The following ONECUT3 variants were observed in gnomAD, a reference collection of about 807,000 sequenced individuals.
ONECUT3 encodes one cut homeobox 3.
In ONECUT3, 11 loss-of-function variants were observed where a neutral mutation model predicts 16.8. That is an observed-to-expected ratio of 0.66 (90% CI 0.41 to 1.09). The LOEUF is 1.09. ONECUT3 is among the 50% of genes least tolerant of loss of function. ONECUT3 has a pLI of 0.00. For missense variants in ONECUT3, 637 were observed against 629.9 expected (o/e 1.01, Z -0.12); for synonymous variants, 344 against 310.7 (o/e 1.11, Z -1.13).
Position 1,759,783 on chromosome 19 carries a change from G to A in ONECUT3, c.1192+4929G>A, listed in dbSNP as rs2067936423. ...ATGACGCCTAGGAGAGGGGGTATGA[G>A]GGGCTGGAGGGGCTCAGGGGTCTGA... On this transcript the variant is annotated intron_variant, in intron 1 of 1. Transcript: ENST00000382349. This position sits in a 1 kb window ranked among gnomAD's most constrained non-coding sequence, Gnocchi z 4.1. 1.3e-5 allele frequency among the ~76,000 whole-genome samples: 2 copies of A among 152,298 alleles called. No homozygotes were observed. The highest frequency in any genetic ancestry group is 4.2e-4 in the South Asian group (2 of 4,816).
rs1246204958 is a variant in ONECUT3 at position 1,753,635 on chromosome 19, AGC to A, written c.-20_-19del. 1.3e-5 allele frequency: 12 copies of A among 956,026 alleles called. No homozygotes were observed. The East Asian group carries it at 3.6e-4, about 28-fold the overall frequency. The allele number at this position is 956,026 out of a possible 1,614,324, so 59.2% of individuals were successfully genotyped here. ...TGAGCACTAGGGGCCGGCGCTGAGG[AGC>A]GCGCGCGGCGGGAGGGCAGCCGAGC... On this transcript the variant is annotated 5_prime_UTR_variant, in exon 1 of 2. Transcript: ENST00000382349.
In ONECUT3 at chr19:1,775,383, G is replaced by C. The variant is rs778536345; in HGVS notation, c.1423G>C (p.Glu475Gln). ...GCGCCGCTGCATGAACCGCTGGGCT[G>C]AGGAGCCCAGCACGGCCCCCGGGGG... ...ARRRCMNRWA[E>Q]EPSTAPGGPA... The change falls in exon 2 of 2, where the codon GAG becomes CAG. Residue 475 changes from glutamate (E) to glutamine (Q), a missense_variant. By Grantham distance (29) the Glu-to-Gln change is conservative. Coordinates refer to ENST00000382349, the MANE Select transcript of ONECUT3 (RefSeq NM_001080488.2). 7.8e-6 allele frequency: 12 copies of C among 1,537,944 alleles called. No homozygotes were observed. Among genetic ancestry groups the C allele is most frequent in the South Asian group, 6.1e-5 (5 of 82,286 alleles).
chr19:1,754,084 C>G lies in ONECUT3; in HGVS notation c.422C>G (p.Pro141Arg). ...GTGGCCGGGGCGCACGGCGGCCATC[C>G]CCACGCGCACCCGCACCCGGCGGCC... ...AAVAGAHGGH[P>R]HAHPHPAAAP... The change falls in exon 1 of 2, where the codon CCC becomes CGC. Residue 141 changes from proline to arginine, a missense_variant. Physicochemically the swap from Pro to Arg is moderately radical, Grantham distance 103 (BLOSUM62 -2). Transcript: ENST00000382349. The surrounding 1 kb of genome is among the most constrained non-coding windows in gnomAD (Gnocchi z 7.4). 1 of 1,004,486 alleles carries G rather than the reference C, an allele frequency of 1.0e-6. No individual in the cohort carries two copies. 62.2% of individuals were successfully genotyped at this position (1,004,486 alleles called of 1,614,324 possible). A position where few individuals can be genotyped will look rare whatever the true frequency, so the allele number is the denominator to read the frequency against.
Position 1,769,902 on chromosome 19 carries a change from G to T in ONECUT3, c.1193-5251G>T, listed in dbSNP as rs139153025. Among the ~76,000 whole-genome samples the T allele has an allele frequency of 3.7e-4, 57 of 152,154 alleles. 3 individuals carry two copies. The East Asian group carries it at 0.011, about 29-fold the overall frequency. On this transcript the variant is annotated intron_variant, in intron 1 of 1. Transcript: ENST00000382349. ...GCCCCTCCCCCAGCCTCTGCCTCTG[G>T]GGTCCCCATTAGGCACCAGATTGGA...
rs948375147 is a variant in ONECUT3, at chr19:1,778,244, A to C, written c.*2799A>C. ...CCTCCCAGTAGCTGGGGCCACAAGC[A>C]CACCCCACCATGCCCATTTAATTTT... On this transcript the variant is annotated 3_prime_UTR_variant, in exon 2 of 2. Coordinates refer to ENST00000382349, the MANE Select transcript of ONECUT3 (RefSeq NM_001080488.2). The C allele has an allele frequency of 1.1e-4, 16 of 151,928 alleles. No homozygotes were observed. Among genetic ancestry groups the C allele is most frequent in the African/African-American group, 3.4e-4 (14 of 41,346 alleles). The allele number at this position is 151,928 out of a possible 1,614,324, so 9.4% of individuals were successfully genotyped here.
chr19:1,758,315 AAGAGAGAGAG>A lies in ONECUT3; in HGVS notation c.1192+3473_1192+3482del, dbSNP rs1301162596. On this transcript the variant is annotated intron_variant, in intron 1 of 1. Transcript: ENST00000382349. The surrounding 1 kb of genome is among the most constrained non-coding windows in gnomAD (Gnocchi z 5.9). ...GCAGAGAGACCAAAAAAAAAAAAAA[AAGAGAGAGAG>A]AGAGAGAGAGACAGAGATGGGAGAG... Among the ~76,000 whole-genome samples, 7 of 77,056 alleles carry A rather than the reference AAGAGAGAGAG, an allele frequency of 9.1e-5. No homozygotes were observed. The highest frequency in any genetic ancestry group is 2.8e-4 in the African/African-American group (7 of 24,838). 50.6% of individuals were successfully genotyped at this position (77,056 alleles called of 152,430 possible).
chr19:1,770,488 G>A (rs569640345), intron 1 of ONECUT3, among the ~76,000 whole-genome samples: 8 of 152,296 alleles, frequency 5.3e-5, no homozygotes, highest in African/African-American at 1.9e-4. Flanking sequence ...TACATATAAA[G>A]CTCTTGACAC....
chr19:1,778,641 C>G lies in ONECUT3; in HGVS notation c.*3196C>G, dbSNP rs1308438205. ...GGAAATTTAGGACTTGGCTTGGGAT[C>G]GTTCTGGTTGTGGAATGTTTTAGCT... On this transcript the variant is annotated 3_prime_UTR_variant, in exon 2 of 2. Coordinates refer to ENST00000382349, the MANE Select transcript of ONECUT3 (RefSeq NM_001080488.2). 3 of 150,010 alleles carry G rather than the reference C, an allele frequency of 2.0e-5. No individual in the cohort carries two copies. The highest frequency in any genetic ancestry group is 1.3e-4 in the Admixed American group (2 of 15,000). The allele number at this position is 150,010 out of a possible 1,614,324, so 9.3% of individuals were successfully genotyped here.
chr19:1,753,806 C>G lies in ONECUT3; in HGVS notation c.144C>G (p.Ala48=). 1.0e-6 allele frequency: 1 copy of G among 967,484 alleles called. No individual in the cohort carries two copies. The highest frequency in any genetic ancestry group is 1.2e-6 in the Non-Finnish European group (1 of 816,320). The allele number at this position is 967,484 out of a possible 1,614,324, so 59.9% of individuals were successfully genotyped here. A position where few individuals can be genotyped will look rare whatever the true frequency, so the allele number is the denominator to read the frequency against. Residue 48 remains alanine (A), a synonymous_variant, in exon 1 of 2, where the codon GCC becomes GCG. Transcript: ENST00000382349. The part of the protein sequence containing the change: ...LVAPGRPGLV[A]GMASLLDGGG... Reference sequence around the variant, plus strand: ...CGCCCGGGCGCCCGGGCCTGGTGGCCGGCATGGCGAGCCTGCTGGACGGCG... The same window carrying G: ...CGCCCGGGCGCCCGGGCCTGGTGGCGGGCATGGCGAGCCTGCTGGACGGCG...
At position 1,753,799 on chromosome 19, in the gene ONECUT3, T is replaced by G; in HGVS notation, c.137T>G (p.Leu46Arg). The G allele has an allele frequency of 1.0e-6, 1 of 955,122 alleles. No homozygotes were observed. Among genetic ancestry groups the G allele is most frequent in the African/African-American group, 1.8e-5 (1 of 54,994 alleles). The allele number at this position is 955,122 out of a possible 1,614,324, so 59.2% of individuals were successfully genotyped here. A position where few individuals can be genotyped will look rare whatever the true frequency, so the allele number is the denominator to read the frequency against. Reference protein sequence around the residue: ...RGLVAPGRPGLVAGMASLLDG... With the variant: ...RGLVAPGRPGRVAGMASLLDG... ...CTGGTGGCGCCCGGGCGCCCGGGCC[T>G]GGTGGCCGGCATGGCGAGCCTGCTG... Residue 46 changes from leucine (L) to arginine (R), a missense_variant, in exon 1 of 2, where the codon CTG becomes CGG. Leu to Arg is a moderately radical substitution (Grantham distance 102). Transcript: ENST00000382349.
intron 1 of ONECUT3, among the ~76,000 whole-genome samples, chr19:1,756,822 A>G (rs1313993800): frequency 6.7e-6 from 1 of 149,332 alleles, no homozygotes; most frequent in African/African-American, 2.5e-5. Context: ...TGCTGGGATT[A>G]CACAGGCTTG....
chr19:1,768,596 G>C (rs951880517), intron 1 of ONECUT3, among the ~76,000 whole-genome samples: 2 of 152,246 alleles, frequency 1.3e-5, no homozygotes, highest in African/African-American at 4.8e-5. Flanking sequence ...CAAGGTCTGT[G>C]TTGGGGGCCA....
intron 1 of ONECUT3, among the ~76,000 whole-genome samples, chr19:1,774,132 G>C (rs2068082788): frequency 6.6e-6 from 1 of 152,078 alleles, no homozygotes; most frequent in African/African-American, 2.4e-5. Context: ...GGGTCCACTG[G>C]GTGCTCGAGG....
chr19:1,775,126 G>GGGCCCCCCCCCCCCCCCCCCCCCC, intron 1 of ONECUT3, 27 bp from the exon 2 acceptor site: 1 of 1,143,900 alleles, frequency 8.7e-7, no homozygotes, highest in Non-Finnish European at 1.2e-6. Context: ...TGTCCCGCTC[G>GGGCCCCCCCCCCCCCCCCCCCCCC]CCCGCCCGCC....
Position 1,775,231 on chromosome 19 carries a change from T to C in ONECUT3, c.1271T>C (p.Leu424Pro). The C allele has an allele frequency of 2.5e-6, 4 of 1,577,646 alleles. No homozygotes were observed. The highest frequency in any genetic ancestry group is 3.4e-6 in the Non-Finnish European group (4 of 1,162,380). ...PKKQRLVFTD[L>P]QRRTLIAIFK... ...AAGCAGCGCCTGGTGTTCACCGACC[T>C]GCAGCGACGCACGCTGATCGCCATC... The change falls in exon 2 of 2, where the codon CTG becomes CCG. Residue 424 changes from leucine (L) to proline (P), a missense_variant. Physicochemically the swap from Leu to Pro is moderately conservative, Grantham distance 98. Around this residue, in one of 3 missense-constraint regions of ONECUT3, gnomAD observed 183 missense variants for 188.3 expected, o/e 0.97. Transcript: ENST00000382349.
rs368936323 is a variant in ONECUT3 at position 1,764,890 on chromosome 19, G to C, written c.1192+10036G>C. The stretch of plus-strand genomic sequence containing the variant: ...TCTGGGGCAGGGCAGCTGGTGGCGG[G>C]GACAGGACGCGTCGCCAAGGAAACC... On this transcript the variant is annotated intron_variant, in intron 1 of 1. Transcript: ENST00000382349. The surrounding 1 kb of genome is among the most constrained non-coding windows in gnomAD (Gnocchi z 5.0). Among the ~76,000 whole-genome samples the C allele has an allele frequency of 4.6e-5, 7 of 152,178 alleles. No homozygotes were observed. Among genetic ancestry groups the C allele is most frequent in the Admixed American group, 2.0e-4 (3 of 15,292 alleles).
rs2145954752 is a variant in ONECUT3 at position 1,754,312 on chromosome 19, C to T, written c.650C>T (p.Pro217Leu). The change falls in exon 1 of 2, where the codon CCG (proline) becomes CTG (leucine). Residue 217 changes from proline (P) to leucine (L), a missense_variant. This residue lies in a region of ONECUT3 where 419 missense variants were observed against 377.9 expected (regional missense o/e 1.11). Coordinates refer to ENST00000382349, the MANE Select transcript of ONECUT3 (RefSeq NM_001080488.2). The surrounding 1 kb of genome is among the most constrained non-coding windows in gnomAD (Gnocchi z 7.4). ...GCGCTGCACGGCGCCCCGCAGCCCC[C>T]GCCGCCGCCACCACCCCCGCCGCTG... ...PPALHGAPQP[P>L]PPPPPPPLAA... 3.8e-6 allele frequency: 4 copies of T among 1,053,012 alleles called. No homozygotes were observed. Among genetic ancestry groups the T allele is most frequent in the Non-Finnish European group, 4.6e-6 (4 of 878,980 alleles). The allele number at this position is 1,053,012 out of a possible 1,614,324, so 65.2% of individuals were successfully genotyped here. A position where few individuals can be genotyped will look rare whatever the true frequency, so the allele number is the denominator to read the frequency against.
At position 1,761,619 on chromosome 19, in the gene ONECUT3, A is replaced by C. The variant is rs372998920; in HGVS notation, c.1192+6765A>C. Among the ~76,000 whole-genome samples, 8 of 152,314 alleles carry C rather than the reference A, an allele frequency of 5.3e-5. No individual in the cohort carries two copies. The East Asian group carries it at 1.2e-3, about 22-fold the overall frequency. ...TGTTAGGAGGGAGGCTGAGCCGGGC[A>C]GGTAGCCCGGCTTACCCGGGAGAGC... is the stretch of plus-strand genomic sequence containing the variant. On this transcript the variant is annotated intron_variant, in intron 1 of 1. Coordinates refer to ENST00000382349, the MANE Select transcript of ONECUT3 (RefSeq NM_001080488.2).
At chr19:1,760,552 G>C (rs143742600) in intron 1 of ONECUT3, among the ~76,000 whole-genome samples, 77 of 152,066 alleles carry the variant, frequency 5.1e-4, no homozygotes, top group Non-Finnish European at 7.4e-5. Flanking sequence ...TGAGGCCTGC[G>C]CTGCGCTTCC....
Sources: allele counts gnomAD v4.1 joint callset (sites outside exome capture counted in the v4.1 genomes callset), GRCh38; gene constraint gnomAD v4.1.1; regional missense constraint gnomAD v4.1.1; non-coding constraint Gnocchi (gnomAD v3.1); transcripts MANE v1.5; gene names NCBI Gene and HGNC (gene_info 2026-07-23, HGNC 2026-07-21).